Variants in SHC4 observed in about 807,000 individuals in gnomAD.
The protein encoded by SHC4 is SHC-transforming protein 4.
A neutral mutation model predicts 69.4 loss-of-function variants in SHC4; 41 were observed. That is an observed-to-expected ratio of 0.59 (90% confidence interval 0.46 to 0.77). The LOEUF (loss-of-function observed/expected upper bound fraction) is 0.77. Ranked by LOEUF, SHC4 falls within the 30% of genes least tolerant of loss-of-function variation. The pLI, the probability that SHC4 is intolerant of heterozygous loss-of-function variation, is 0.00. For missense variants in SHC4, 777 were observed against 783.8 expected (o/e 0.99, Z 0.10); for synonymous variants, 318 against 299.3 (o/e 1.06, Z -0.64).
At position 48,840,953 on chromosome 15, in the gene SHC4, A is replaced by G. The variant is rs537874846; in HGVS notation, c.1483+2456T>C. Among the ~76,000 whole-genome samples the G allele has an allele frequency of 5.9e-5, 9 of 152,346 alleles. 1 individual carries two copies. Among genetic ancestry groups the G allele is most frequent in the Admixed American group, 5.9e-4 (9 of 15,304 alleles). On this transcript the variant is annotated intron_variant, in intron 10 of 11. Coordinates refer to ENST00000332408, the MANE Select transcript of SHC4 (RefSeq NM_203349.4). ...AAAAGGCTAGAGTCAGAGAAAATAC[A>G]TTTTGACATTACAATTTTGGACAAG...
chr15:48,894,024 T>C (rs1025312448), intron 2 of SHC4, among the ~76,000 whole-genome samples: 1 of 152,188 alleles, frequency 6.6e-6, no homozygotes, highest in Admixed American at 6.5e-5. Flanking sequence ...GGGATAGCAT[T>C]GAGTATATAA....
intron 2 of SHC4, among the ~76,000 whole-genome samples, chr15:48,913,880 T>C (rs1900562826): frequency 6.6e-6 from 1 of 152,192 alleles, no homozygotes; most frequent in Non-Finnish European, 1.5e-5. Flanking sequence ...GCTTCCCCAG[T>C]GGGTGTGTTT....
intron 3 of SHC4, 33 bp from the exon 4 acceptor site, chr15:48,884,400 G>A: frequency 6.5e-7 from 1 of 1,543,030 alleles, no homozygotes. Context: ...ACAAAACACT[G>A]TTAGGAATTT....
intron 10 of SHC4, among the ~76,000 whole-genome samples, chr15:48,842,673 A>G (rs1731536928): frequency 2.0e-5 from 3 of 152,234 alleles, no homozygotes; most frequent in Non-Finnish European, 4.4e-5. Context: ...TGGTGCCTGT[A>G]ATCCCAATGC....
chr15:48,933,749 T>C (rs147139586), intron 1 of SHC4, among the ~76,000 whole-genome samples: 42 of 152,318 alleles, frequency 2.8e-4, no homozygotes, highest in Admixed American at 7.2e-4. Flanking sequence ...AGCATAATGA[T>C]AGACATATAG....
chr15:48,901,667 C>A (rs1045567875), intron 2 of SHC4, among the ~76,000 whole-genome samples: 1 of 152,162 alleles, frequency 6.6e-6, no homozygotes, highest in African/African-American at 2.4e-5. Flanking sequence ...TTATCTATAA[C>A]TCTACTTTCT....
chr15:48,832,813 G>A (rs1898830508), intron 11 of SHC4, among the ~76,000 whole-genome samples: 1 of 151,824 alleles, frequency 6.6e-6, no homozygotes, highest in Admixed American at 6.6e-5. Flanking sequence ...TTTTTCTTCT[G>A]CTTAATCAAG....
At chr15:48,877,514 C>A (rs1235607041) in intron 4 of SHC4, 8 of 983,998 alleles carry the variant, frequency 8.1e-6, no homozygotes, top group Non-Finnish European at 9.6e-6. Context: ...ATTTTGCTGT[C>A]AATACATAAA....
intron 2 of SHC4, among the ~76,000 whole-genome samples, chr15:48,918,003 G>A (rs1175945679): frequency 1.3e-5 from 2 of 152,194 alleles, no homozygotes; most frequent in Non-Finnish European, 2.9e-5. Flanking sequence ...CAGTGAGTGA[G>A]ACATCAGCCT....
At position 48,851,177 on chromosome 15, in the gene SHC4, A is replaced by G; in HGVS notation, c.1303+11T>C. ...AGGAGGGTGGCAGATGGAGAAGGGC[A>G]TTGTACCTACCTATTGCCCTGCTTT... On this transcript the variant is annotated intron_variant, in intron 9 of 11. Transcript: ENST00000332408. 1 of 1,613,704 alleles carries G rather than the reference A, an allele frequency of 6.2e-7. No individual in the cohort carries two copies. The highest frequency in any genetic ancestry group is 8.5e-7 in the Non-Finnish European group (1 of 1,179,732).
chr15:48,962,312 G>A (rs1381130753), intron 1 of SHC4, 119 bp downstream of exon 1: 1 of 1,064,366 alleles, frequency 9.4e-7, no homozygotes, highest in African/African-American at 1.6e-5. Flanking sequence ...TGGTCCAGTT[G>A]AATCATGTCC....
At chr15:48,857,649 C>A in intron 7 of SHC4, 43 bp downstream of exon 7, 1 of 1,458,392 alleles carries the variant, frequency 6.9e-7, no homozygotes, top group South Asian at 1.3e-5. Flanking sequence ...TAAATGCACA[C>A]ATATATATAT....
chr15:48,878,786 A>G (rs555505511), intron 4 of SHC4: 7 of 1,533,756 alleles, frequency 4.6e-6, no homozygotes, highest in Middle Eastern at 1.7e-4. Flanking sequence ...GAGGGACCCA[A>G]CTTTCCGCTA....
At chr15:48,902,971 G>A (rs892536758) in intron 2 of SHC4, among the ~76,000 whole-genome samples, 3 of 152,120 alleles carry the variant, frequency 2.0e-5, no homozygotes, top group Non-Finnish European at 2.9e-5. Flanking sequence ...CACTTAACTA[G>A]ATGATGTCTT....
intron 1 of SHC4, among the ~76,000 whole-genome samples, chr15:48,942,921 T>C (rs1484261286): frequency 6.6e-6 from 1 of 152,226 alleles, no homozygotes; most frequent in Non-Finnish European, 1.5e-5. Flanking sequence ...AAACCAAGTG[T>C]AGGTGATACC....
chr15:48,950,341 T>C (rs901707853), intron 1 of SHC4, among the ~76,000 whole-genome samples: 3 of 151,394 alleles, frequency 2.0e-5, no homozygotes, highest in Non-Finnish European at 4.4e-5. Context: ...TCAGAGGCCA[T>C]CTCCTTAGGA....
chr15:48,854,748 A>T (rs1308117133), intron 8 of SHC4, among the ~76,000 whole-genome samples: 1 of 152,202 alleles, frequency 6.6e-6, no homozygotes, highest in Non-Finnish European at 1.5e-5. Context: ...GTTCTCACTT[A>T]TAAGTAGGAG....
At chr15:48,833,665 G>A (rs1361814678) in intron 11 of SHC4, among the ~76,000 whole-genome samples, 1 of 152,150 alleles carries the variant, frequency 6.6e-6, no homozygotes, top group East Asian at 1.9e-4. Context: ...TCCATGTGAA[G>A]TGAGACAGAA....
At chr15:48,912,147 G>A (rs1471690915) in intron 2 of SHC4, among the ~76,000 whole-genome samples, 1 of 152,136 alleles carries the variant, frequency 6.6e-6, no homozygotes, top group Non-Finnish European at 1.5e-5. Flanking sequence ...CAAGACCAGG[G>A]AAGTTTTCCT....
Sources: allele counts gnomAD v4.1 joint callset (sites outside exome capture counted in the v4.1 genomes callset), GRCh38; gene constraint gnomAD v4.1.1; transcripts MANE v1.5; gene names NCBI Gene and HGNC (gene_info 2026-07-23, HGNC 2026-07-21).